Variants in STAG1 observed in about 807,000 individuals in gnomAD.
The protein encoded by STAG1 is STAG1 cohesin complex component, also known as cohesin subunit SA-1.
STAG1 carries 26 observed loss-of-function variants against 170.9 expected under a neutral mutation model. The ratio of observed to expected loss-of-function variants is 0.15; its 90% CI spans 0.11 to 0.21. STAG1 has a LOEUF of 0.21. Among genes scored for constraint, STAG1 ranks in the 10% least tolerant of loss-of-function variants. The pLI is 1.00. For missense variants in STAG1, 964 were observed against 1,509.5 expected (o/e 0.64, Z 5.99); for synonymous variants, 514 against 497.7 (o/e 1.03, Z -0.44).
intron 3 of STAG1, among the ~76,000 whole-genome samples, chr3:136,611,376 C>T (rs1398966924): frequency 2.6e-5 from 4 of 151,122 alleles, no homozygotes; most frequent in East Asian, 3.9e-4. Flanking sequence ...CTCGAACTCC[C>T]GACCTCAGGT....
At chr3:136,731,993 C>G (rs899236463) in intron 1 of STAG1, among the ~76,000 whole-genome samples, 1 of 151,980 alleles carries the variant, frequency 6.6e-6, no homozygotes, top group Non-Finnish European at 1.5e-5. Flanking sequence ...CTGATAAAGA[C>G]TTAACTTCAT....
intron 1 of STAG1, among the ~76,000 whole-genome samples, chr3:136,729,048 T>G (rs1933853343): frequency 6.6e-6 from 1 of 152,220 alleles, no homozygotes; most frequent in Non-Finnish European, 1.5e-5. Flanking sequence ...AGGCACGATC[T>G]TGGCTCACCG....
chr3:136,704,040 T>G (rs1420843565), intron 1 of STAG1, among the ~76,000 whole-genome samples: 1 of 145,468 alleles, frequency 6.9e-6, no homozygotes, highest in Non-Finnish European at 1.5e-5. Context: ...AAACACAGAT[T>G]GGCATAAATG....
chr3:136,742,096 T>G (rs1385427789), intron 1 of STAG1, among the ~76,000 whole-genome samples: 1 of 152,202 alleles, frequency 6.6e-6, no homozygotes, highest in Non-Finnish European at 1.5e-5. Flanking sequence ...TCCACAGTCA[T>G]AGTTGGATAT....
intron 7 of STAG1, among the ~76,000 whole-genome samples, chr3:136,504,988 A>G (rs1933682291): frequency 6.6e-6 from 1 of 152,234 alleles, no homozygotes; most frequent in Non-Finnish European, 1.5e-5. Flanking sequence ...AGCAGTGTTT[A>G]CTGAGATAAA....
chr3:136,504,479 G>A (rs1933654080), intron 7 of STAG1, among the ~76,000 whole-genome samples: 1 of 152,140 alleles, frequency 6.6e-6, no homozygotes, highest in African/African-American at 2.4e-5. Flanking sequence ...TGAGTTTTGT[G>A]TGTTGCCAGT....
At chr3:136,475,993 T>C (rs2089740303) in intron 10 of STAG1, among the ~76,000 whole-genome samples, 1 of 152,172 alleles carries the variant, frequency 6.6e-6, no homozygotes, top group Admixed American at 6.6e-5. Context: ...GTCTCTTATG[T>C]CAAAATAAGA....
intron 2 of STAG1, among the ~76,000 whole-genome samples, chr3:136,630,149 C>T (rs1940274640): frequency 6.6e-6 from 1 of 152,034 alleles, no homozygotes; most frequent in South Asian, 2.1e-4. Flanking sequence ...GAGCCGAGAT[C>T]GCACCACTGC....
At chr3:136,711,102 A>T (rs1385266774) in intron 1 of STAG1, among the ~76,000 whole-genome samples, 2 of 151,802 alleles carry the variant, frequency 1.3e-5, no homozygotes, top group African/African-American at 4.8e-5. Flanking sequence ...TAAGAAAATC[A>T]AGTATCTAAG....
Position 136,721,049 on chromosome 3 carries a change from G to A in STAG1, c.-84+31146C>T, listed in dbSNP as rs536210876. Among the ~76,000 whole-genome samples, 221 of 152,238 alleles carry A rather than the reference G, an allele frequency of 1.5e-3. 1 individual carries two copies. Among genetic ancestry groups the A allele is most frequent in the Non-Finnish European group, 3.8e-4 (26 of 68,024 alleles). ...TGGATTAGAATCCAAGTCATTCTCC[G>A]AATCCAGCAGTTCCTTCCTTAGACA... On this transcript the variant is annotated intron_variant, in intron 1 of 33. Coordinates refer to ENST00000383202, the MANE Select transcript of STAG1 (RefSeq NM_005862.3).
chr3:136,749,540 G>A (rs1329572543), intron 1 of STAG1, among the ~76,000 whole-genome samples: 1 of 152,108 alleles, frequency 6.6e-6, no homozygotes, highest in Non-Finnish European at 1.5e-5. Flanking sequence ...GAGGTGAAGA[G>A]ATGGAGACCA....
At chr3:136,425,764 GAA>G (rs1241377983) in intron 16 of STAG1, among the ~76,000 whole-genome samples, 2 of 149,258 alleles carry the variant, frequency 1.3e-5, no homozygotes, top group African/African-American at 4.9e-5. Flanking sequence ...ATCTATAAAA[GAA>G]GAAGATATGT....
chr3:136,606,750 CTTT>C (rs529115947), intron 3 of STAG1, among the ~76,000 whole-genome samples: 6 of 126,910 alleles, frequency 4.7e-5, no homozygotes, highest in East Asian at 2.2e-4. Context: ...AGGTAACATG[CTTT>C]TTTTTTTTTT....
intron 1 of STAG1, among the ~76,000 whole-genome samples, chr3:136,745,476 A>C (rs900270430): frequency 6.6e-6 from 1 of 152,210 alleles, no homozygotes; most frequent in African/African-American, 2.4e-5. Context: ...AGAAGGTTTC[A>C]GGATAAAACT....
chr3:136,736,838 T>C, intron 1 of STAG1: 1 of 1,585,826 alleles, frequency 6.3e-7, no homozygotes, highest in Non-Finnish European at 8.6e-7. Flanking sequence ...CTTTGTTTTT[T>C]TCGCTCTTTC....
At chr3:136,648,760 C>T (rs1941116957) in intron 1 of STAG1, among the ~76,000 whole-genome samples, 1 of 152,072 alleles carries the variant, frequency 6.6e-6, no homozygotes, top group African/African-American at 2.4e-5. Flanking sequence ...AAATCCATCC[C>T]TTCCTCTTTC....
At chr3:136,383,737 C>CCT (rs1938103603) in intron 22 of STAG1, among the ~76,000 whole-genome samples, 1 of 151,808 alleles carries the variant, frequency 6.6e-6, no homozygotes, top group Non-Finnish European at 1.5e-5. Flanking sequence ...GGGCGGATCA[C>CCT]GAGGTCAGGA....
chr3:136,358,412 A>T (rs1936737962), intron 27 of STAG1, among the ~76,000 whole-genome samples: 2 of 152,038 alleles, frequency 1.3e-5, no homozygotes, highest in Non-Finnish European at 2.9e-5. Flanking sequence ...TAGAGGTAAG[A>T]AGATACCCTG....
chr3:136,613,843 A>G (rs949540215), intron 3 of STAG1, among the ~76,000 whole-genome samples: 2 of 152,130 alleles, frequency 1.3e-5, no homozygotes, highest in Non-Finnish European at 1.5e-5. Flanking sequence ...TGATTCTCTC[A>G]CCAGACTGGA....
Sources: gnomAD v4.1 joint callset for allele counts (sites outside exome capture counted in the v4.1 genomes callset) on GRCh38, gnomAD v4.1.1 for gene constraint, MANE v1.5 for transcripts, NCBI Gene and HGNC (gene_info 2026-07-23, HGNC 2026-07-21) for gene names.